SPON1: variants seen among roughly 807,000 people sequenced by gnomAD.
SPON1 encodes the protein spondin-1.
In SPON1, 52 loss-of-function variants were observed where a neutral mutation model predicts 111.7. The observed-to-expected ratio is 0.47, with a 90% CI of 0.37 to 0.59. SPON1 has a LOEUF of 0.59. SPON1 is among the 20% of genes least tolerant of loss of function. The probability of loss-of-function intolerance (pLI) is 0.00; values close to 1 mark genes in which losing one functional copy is unlikely to be tolerated. For missense variants in SPON1, 957 were observed against 1,068.5 expected, an observed-to-expected ratio of 0.90 and a Z score of 1.46; for synonymous variants, 410 against 395.8, an observed-to-expected ratio of 1.04 and a Z score of -0.43.
intron 5 of SPON1, among the ~76,000 whole-genome samples, chr11:14,098,639 G>A (rs1461118128): frequency 4.3e-5 from 6 of 141,112 alleles, no homozygotes; most frequent in African/African-American, 1.3e-4. Context: ...GAGCTGGTGC[G>A]TGATATGAAA....
At chr11:14,131,288 G>A (rs1342092743) in intron 5 of SPON1, among the ~76,000 whole-genome samples, 2 of 152,150 alleles carry the variant, frequency 1.3e-5, no homozygotes, top group African/African-American at 2.4e-5. Flanking sequence ...GTGAGCTTGG[G>A]CTGATTCCTT....
At chr11:14,085,374 GT>G (rs1355593225) in intron 5 of SPON1, among the ~76,000 whole-genome samples, 1 of 152,106 alleles carries the variant, frequency 6.6e-6, no homozygotes, top group Non-Finnish European at 1.5e-5. Context: ...TGGCTAGGCA[GT>G]TTTCCCAGCA....
intron 5 of SPON1, among the ~76,000 whole-genome samples, chr11:14,084,291 C>A (rs181248342): frequency 6.6e-6 from 1 of 152,284 alleles, no homozygotes; most frequent in East Asian, 1.9e-4. Context: ...AATGCTCTCC[C>A]TCCCCTTGCC....
chr11:14,229,427 G>A (rs551714551), intron 6 of SPON1, among the ~76,000 whole-genome samples: 1 of 152,280 alleles, frequency 6.6e-6, no homozygotes, highest in South Asian at 2.1e-4. Context: ...CATGACAGGT[G>A]ATGTAGGAGA....
At chr11:14,075,762 TA>T (rs1163417429) in intron 4 of SPON1, among the ~76,000 whole-genome samples, 3 of 152,222 alleles carry the variant, frequency 2.0e-5, no homozygotes, top group African/African-American at 7.2e-5. Flanking sequence ...AAAAAGTCTG[TA>T]ATGGTTCTTT....
chr11:14,061,945 C>G (rs1848794355), intron 3 of SPON1, among the ~76,000 whole-genome samples: 1 of 152,212 alleles, frequency 6.6e-6, no homozygotes, highest in Non-Finnish European at 1.5e-5. Flanking sequence ...TGGTCTTAAT[C>G]ACACACAAGT....
Position 14,135,353 on chromosome 11 carries a change from A to G in SPON1, c.677-67A>G. 1 of 1,543,628 alleles carries G rather than the reference A, an allele frequency of 6.5e-7. No homozygotes were observed. Among genetic ancestry groups the G allele is most frequent in the Middle Eastern group, 1.8e-4 (1 of 5,620 alleles). ...CGATGTCCAATTACGCATCCTCCCCATCATTTAAGGGACTCGTGTTTCAGC... is the reference window on the plus strand; with the variant it reads ...CGATGTCCAATTACGCATCCTCCCCGTCATTTAAGGGACTCGTGTTTCAGC... On this transcript the variant is annotated intron_variant, in intron 5 of 15. Transcript: ENST00000576479. This position sits in a 1 kb window ranked among gnomAD's most constrained non-coding sequence, Gnocchi z 4.4.
chr11:14,160,945 T>TTATATATATTTA (rs1564919790), intron 6 of SPON1, among the ~76,000 whole-genome samples: 1 of 40,336 alleles, frequency 2.5e-5, no homozygotes, highest in African/African-American at 8.9e-5. Context: ...ATATATATAT[T>TTATATATATTTA]TATATATTTA....
intron 6 of SPON1, among the ~76,000 whole-genome samples, chr11:14,197,186 A>G (rs1006153804): frequency 1.3e-5 from 2 of 152,204 alleles, no homozygotes; most frequent in Non-Finnish European, 2.9e-5. Flanking sequence ...ATTAAATATT[A>G]AGTAATAAGG....
At chr11:14,212,994 T>C (rs1295270743) in intron 6 of SPON1, among the ~76,000 whole-genome samples, 1 of 152,220 alleles carries the variant, frequency 6.6e-6, no homozygotes, top group Non-Finnish European at 1.5e-5. Context: ...TCATAGTCAG[T>C]AAACACAGTC....
chr11:14,164,977 A>G (rs1467259278), intron 6 of SPON1, among the ~76,000 whole-genome samples: 1 of 152,208 alleles, frequency 6.6e-6, no homozygotes, highest in Non-Finnish European at 1.5e-5. Context: ...ACTGATCTTA[A>G]GAGCAGTTTA....
chr11:14,136,903 A>G (rs1199595004), intron 6 of SPON1, among the ~76,000 whole-genome samples: 1 of 152,122 alleles, frequency 6.6e-6, no homozygotes, highest in Admixed American at 6.5e-5. Flanking sequence ...TATTGGTGCT[A>G]GTCTGTCTGG....
intron 2 of SPON1, among the ~76,000 whole-genome samples, chr11:13,999,195 A>G (rs1359931382): frequency 6.6e-6 from 1 of 152,228 alleles, no homozygotes; most frequent in Non-Finnish European, 1.5e-5. Context: ...AGCAGTATAC[A>G]TTCGTATAAA....
intron 6 of SPON1, among the ~76,000 whole-genome samples, chr11:14,151,248 G>T (rs1268305061): frequency 6.6e-6 from 1 of 152,124 alleles, no homozygotes; most frequent in Non-Finnish European, 1.5e-5. Context: ...AAGCAAACAA[G>T]TTCTTGTAGC....
In SPON1 at chr11:14,139,463, C is replaced by T. The variant is rs147459013; in HGVS notation, c.825+3895C>T. Among the ~76,000 whole-genome samples, 792 of 152,308 alleles carry T rather than the reference C, an allele frequency of 5.2e-3. 10 individuals are homozygous for T. Among genetic ancestry groups the T allele is most frequent in the African/African-American group, 0.017 (689 of 41,556 alleles). On this transcript the variant is annotated intron_variant, in intron 6 of 15. Coordinates refer to ENST00000576479, the MANE Select transcript of SPON1 (RefSeq NM_006108.4). ...CCTCACTAAACAACAAGGTTTAAAG[C>T]TGCCGTTCCCACTATTATATCCCCT...
intron 5 of SPON1, among the ~76,000 whole-genome samples, chr11:14,086,895 A>G (rs1849011056): frequency 6.6e-6 from 1 of 152,128 alleles, no homozygotes; most frequent in South Asian, 2.1e-4. Flanking sequence ...GTGTCCAGGA[A>G]TTTATCCATT....
chr11:14,063,723 CT>C (rs368328866), intron 3 of SPON1, among the ~76,000 whole-genome samples: 2 of 152,208 alleles, frequency 1.3e-5, no homozygotes, highest in African/African-American at 4.8e-5. Flanking sequence ...CAGCAAGTGT[CT>C]TTTTTATAAG....
Position 14,260,679 on chromosome 11 carries a change from C to G in SPON1, c.1923C>G (p.Leu641=). 3 of 1,614,022 alleles carry G rather than the reference C, an allele frequency of 1.9e-6. No homozygotes were observed. The highest frequency in any genetic ancestry group is 2.5e-6 in the Non-Finnish European group (3 of 1,179,890). ...GCATGCGAACCCGACAGCGGATGCT[C>G]AAGTCTCTGGCAGAACTTGGAGACT... ...GKGMRTRQRM[L]KSLAELGDCN... The change falls in exon 14 of 16, where the codon CTC becomes CTG. Residue 641 remains leucine, a synonymous_variant. Transcript: ENST00000576479.
At chr11:14,179,654 G>A (rs563962276) in intron 6 of SPON1, among the ~76,000 whole-genome samples, 42 of 152,214 alleles carry the variant, frequency 2.8e-4, no homozygotes, top group Non-Finnish European at 4.7e-4. Context: ...TCTAAATGAA[G>A]AAAAATTAAC....
Sources: gnomAD v4.1 joint callset for allele counts (sites outside exome capture counted in the v4.1 genomes callset) on GRCh38, gnomAD v4.1.1 for gene constraint, Gnocchi (gnomAD v3.1) non-coding constraint, MANE v1.5 for transcripts, NCBI Gene and HGNC (gene_info 2026-07-23, HGNC 2026-07-21) for gene names.